Variants in MAP1S observed in about 807,000 individuals in gnomAD.
The protein encoded by MAP1S is microtubule associated protein 1S.
MAP1S carries 27 observed loss-of-function variants against 60.9 expected under a neutral mutation model. The observed-to-expected ratio is 0.44, with a 90% CI of 0.33 to 0.61. The LOEUF (loss-of-function observed/expected upper bound fraction) is 0.61, where lower values mean the gene tolerates loss of function less well. Among genes scored for constraint, MAP1S ranks in the 20% least tolerant of loss-of-function variants. MAP1S has a pLI of 0.03. For missense variants in MAP1S, 1,608 were observed against 1,486.6 expected (o/e 1.08, Z -1.34); for synonymous variants, 826 against 694.2 (o/e 1.19, Z -2.98).
intron 5 of MAP1S, among the ~76,000 whole-genome samples, chr19:17,729,207 A>G (rs923857867): frequency 6.6e-5 from 10 of 152,316 alleles, no homozygotes; most frequent in Non-Finnish European, 7.3e-5. Context: ...GCTGCACACC[A>G]CAGGCTTCAT....
At position 17,734,189 on chromosome 19, in the gene MAP1S, C is replaced by T. The variant is rs1380365077; in HGVS notation, c.3025-84C>T. 15 of 1,195,688 alleles carry T rather than the reference C, an allele frequency of 1.3e-5. 1 individual carries two copies. Among genetic ancestry groups the T allele is most frequent in the South Asian group, 2.9e-5 (2 of 70,084 alleles). 74.1% of individuals were successfully genotyped at this position (1,195,688 alleles called of 1,614,324 possible). On this transcript the variant is annotated intron_variant, in intron 6 of 6. Coordinates refer to ENST00000324096, the MANE Select transcript of MAP1S (RefSeq NM_018174.6). Reference sequence around the variant, plus strand: ...GGTCTCAAATGCCAGGAAAGGAAGGCGACTTGGGCCCAGGCCAGAAGGGCA... The same window carrying T: ...GGTCTCAAATGCCAGGAAAGGAAGGTGACTTGGGCCCAGGCCAGAAGGGCA...
At position 17,726,849 on chromosome 19, in the gene MAP1S, G is replaced by A; in HGVS notation, c.1465G>A (p.Ala489Thr). 6.4e-7 allele frequency: 1 copy of A among 1,554,460 alleles called. No individual in the cohort carries two copies. Among genetic ancestry groups the A allele is most frequent in the South Asian group, 1.2e-5 (1 of 84,512 alleles). Residue 489 changes from alanine (A) to threonine (T), a missense_variant, in exon 5 of 7, where the codon GCC (alanine) becomes ACC (threonine). Physicochemically the swap from Ala to Thr is moderately conservative, Grantham distance 58. Transcript: ENST00000324096. ...CAGCTCGAAGAGAGAGGGCCTCCTG[G>A]CCACCCACCCTAGACCTGGCCAGGA... ...RDSSKREGLL[A>T]THPRPGQERP...
At chr19:17,722,147 CTG>C (rs1219143528) in intron 2 of MAP1S, among the ~76,000 whole-genome samples, 3 of 152,130 alleles carry the variant, frequency 2.0e-5, no homozygotes, top group African/African-American at 7.2e-5. Flanking sequence ...GGCAATATCC[CTG>C]TGTGGCAAAA....
In MAP1S at chr19:17,734,435, C is replaced by G. The variant is rs781397925; in HGVS notation, c.*7C>G. 1 of 1,601,246 alleles carries G rather than the reference C, an allele frequency of 6.2e-7. No individual in the cohort carries two copies. The highest frequency in any genetic ancestry group is 8.5e-7 in the Non-Finnish European group (1 of 1,173,176). ...CTGCAAGGTGGAGTTCTAGCCCCAT[C>G]GCCGACACGCCCCCCACTCAGCCCA... is the stretch of plus-strand genomic sequence containing the variant. On this transcript the variant is annotated 3_prime_UTR_variant, in exon 7 of 7. Coordinates refer to ENST00000324096, the MANE Select transcript of MAP1S (RefSeq NM_018174.6).
At chr19:17,732,517 T>C (rs1437171387) in intron 5 of MAP1S, among the ~76,000 whole-genome samples, 1 of 152,186 alleles carries the variant, frequency 6.6e-6, no homozygotes, top group Non-Finnish European at 1.5e-5. Context: ...AGCTGCTGTC[T>C]CATCCGCATC....
At chr19:17,734,229 C>T in intron 6 of MAP1S, 44 bp from the exon 7 acceptor site, 1 of 1,554,644 alleles carries the variant, frequency 6.4e-7, no homozygotes, top group Non-Finnish European at 8.8e-7. Flanking sequence ...GCACCCCCCT[C>T]ACTGGTGGTC....
chr19:17,726,449 G>T lies in MAP1S; in HGVS notation c.1065G>T (p.Ala355=). Residue 355 remains alanine, a synonymous_variant, in exon 5 of 7, where the codon GCG becomes GCT. Transcript: ENST00000324096. The part of the protein sequence containing the change: ...ASRLARGEDE[A]ELALSLLAQL... ...GGCTGGCGCGCGGCGAGGATGAGGCGGAGCTGGCGCTGAGCCTCCTGGCGC... is the reference window on the plus strand; with the variant it reads ...GGCTGGCGCGCGGCGAGGATGAGGCTGAGCTGGCGCTGAGCCTCCTGGCGC... The T allele has an allele frequency of 6.4e-7, 1 of 1,554,558 alleles. No individual in the cohort carries two copies. The highest frequency in any genetic ancestry group is 8.6e-7 in the Non-Finnish European group (1 of 1,156,512).
intron 5 of MAP1S, among the ~76,000 whole-genome samples, chr19:17,731,644 T>A (rs533402646): frequency 6.6e-4 from 101 of 152,248 alleles, no homozygotes; most frequent in Non-Finnish European, 1.1e-3. Flanking sequence ...GTGGACTTTG[T>A]ACCTTGCTTC....
chr19:17,721,072 C>G, intron 2 of MAP1S, 35 bp downstream of exon 2: 1 of 1,564,714 alleles, frequency 6.4e-7, no homozygotes, highest in East Asian at 2.2e-5. Flanking sequence ...CTCCCTACCT[C>G]TTGTTATTTG....
Position 17,727,974 on chromosome 19 carries a change from A to T in MAP1S, c.2590A>T (p.Lys864Ter). The part of the protein sequence containing the change: ...RQTENVSRTR[K>*]PLARPNSRAA... Reference sequence around the variant, plus strand: ...AACGGAGAACGTCAGCCGCACCCGGAAGCCCCTGGCCCGCCCCAACTCACG... The same window carrying T: ...AACGGAGAACGTCAGCCGCACCCGGTAGCCCCTGGCCCGCCCCAACTCACG... Residue 864 changes from lysine (K) to a stop codon, truncating the protein, a stop_gained, in exon 5 of 7, where the codon AAG (lysine) becomes TAG (stop). Transcript: ENST00000324096. LOFTEE classifies it high-confidence loss of function. The surrounding 1 kb of genome is among the most constrained non-coding windows in gnomAD (Gnocchi z 4.1). 5 of 1,608,404 alleles carry T rather than the reference A, an allele frequency of 3.1e-6. No homozygotes were observed. Among genetic ancestry groups the T allele is most frequent in the Non-Finnish European group, 4.2e-6 (5 of 1,177,502 alleles).
In MAP1S at chr19:17,727,876, C is replaced by G; in HGVS notation, c.2492C>G (p.Pro831Arg). ...CCTTTGCCTGACCCCCTCAAGGTCC[C>G]CCCACCACTGCCTGACCCATCCAGC... The part of the protein sequence containing the change: ...HDPLPDPLKV[P>R]PPLPDPSSIC... The change falls in exon 5 of 7, where the codon CCC becomes CGC. Residue 831 changes from proline to arginine, a missense_variant. Around this residue, in one of 4 missense-constraint regions of MAP1S, gnomAD observed 1,167 missense variants for 961.4 expected, o/e 1.21. Transcript: ENST00000324096. This position sits in a 1 kb window ranked among gnomAD's most constrained non-coding sequence, Gnocchi z 4.1. 6.2e-7 allele frequency: 1 copy of G among 1,613,100 alleles called. No individual in the cohort carries two copies. The highest frequency in any genetic ancestry group is 8.5e-7 in the Non-Finnish European group (1 of 1,179,656).
rs748067848 is a variant in MAP1S at position 17,726,806 on chromosome 19, G to A, written c.1422G>A (p.Glu474=). The change falls in exon 5 of 7, where the codon GAG becomes GAA. Residue 474 remains glutamate (E), a synonymous_variant. Coordinates refer to ENST00000324096, the MANE Select transcript of MAP1S (RefSeq NM_018174.6). ...GGCCGGGGCGAGCCGAGAGCAAAGA[G>A]AGCGTGGGCTCCCGGGACAGCTCGA... The part of the protein sequence containing the change: ...LEGPGRAESK[E]SVGSRDSSKR... 6.4e-7 allele frequency: 1 copy of A among 1,558,042 alleles called. No individual in the cohort carries two copies. The highest frequency in any genetic ancestry group is 1.2e-5 in the South Asian group (1 of 84,866).
At position 17,726,679 on chromosome 19, in the gene MAP1S, T is replaced by C; in HGVS notation, c.1295T>C (p.Phe432Ser). 1 of 1,583,508 alleles carries C rather than the reference T, an allele frequency of 6.3e-7. No homozygotes were observed. The highest frequency in any genetic ancestry group is 8.6e-7 in the Non-Finnish European group (1 of 1,168,990). Residue 432 changes from phenylalanine to serine, a missense_variant, in exon 5 of 7, where the codon TTC becomes TCC. By Grantham distance (155) the Phe-to-Ser change is radical. Transcript: ENST00000324096. ...GPGEKVVRVL[F>S]PGCTPPACLL... ...GGCGAGAAGGTGGTGCGCGTGCTGT[T>C]CCCCGGTTGCACCCCGCCCGCCTGC... is the stretch of plus-strand genomic sequence containing the variant.
In MAP1S at chr19:17,725,240, G is replaced by C. The variant is rs554446115; in HGVS notation, c.444+51G>C. 6.4e-7 allele frequency: 1 copy of C among 1,567,280 alleles called. No individual in the cohort carries two copies. The highest frequency in any genetic ancestry group is 1.8e-5 in the Admixed American group (1 of 55,156). On this transcript the variant is annotated intron_variant, in intron 4 of 6. Coordinates refer to ENST00000324096, the MANE Select transcript of MAP1S (RefSeq NM_018174.6). This position sits in a 1 kb window ranked among gnomAD's most constrained non-coding sequence, Gnocchi z 4.2. Reference sequence around the variant, plus strand: ...GCTTCCCCAGCTCTGAATCCTGACTGGGGTGTATCAGGCTGTGTGGCACCA... The same window carrying C: ...GCTTCCCCAGCTCTGAATCCTGACTCGGGTGTATCAGGCTGTGTGGCACCA...
chr19:17,728,323 C>T lies in MAP1S; in HGVS notation c.2788+151C>T, dbSNP rs1599464479. 4.4e-6 allele frequency: 4 copies of T among 904,608 alleles called. 1 individual carries two copies. In the Admixed American group the frequency reaches 9.3e-5, roughly 21 times the overall value. The allele number at this position is 904,608 out of a possible 1,614,324, so 56.0% of individuals were successfully genotyped here. ...GGAGTGCAGTGGTGTGGTCACAGCT[C>T]ATTGCAGCCTTGAACAATGGGGCTC... On this transcript the variant is annotated intron_variant, in intron 5 of 6. Coordinates refer to ENST00000324096, the MANE Select transcript of MAP1S (RefSeq NM_018174.6).
chr19:17,724,732 C>T (rs920718794), intron 3 of MAP1S, among the ~76,000 whole-genome samples: 1 of 152,190 alleles, frequency 6.6e-6, no homozygotes, highest in Non-Finnish European at 1.5e-5. Context: ...GAGACACAGA[C>T]ACCCCCAGCC....
intron 5 of MAP1S, among the ~76,000 whole-genome samples, chr19:17,729,892 G>A (rs908290640): frequency 3.9e-5 from 6 of 152,046 alleles, no homozygotes; most frequent in African/African-American, 1.4e-4. Flanking sequence ...CGAACTCCTG[G>A]CCTCGTGATC....
intron 6 of MAP1S, 142 bp downstream of exon 6, chr19:17,733,570 C>T: frequency 1.5e-6 from 1 of 657,522 alleles, no homozygotes; most frequent in South Asian, 2.1e-5. Context: ...TGGCTCAGCC[C>T]TTAGGGGTCT....
chr19:17,733,074 T>G (rs574154037), intron 5 of MAP1S, 119 bp from the exon 6 acceptor site: 213 of 643,554 alleles, frequency 3.3e-4, no homozygotes, highest in Middle Eastern at 2.6e-3. Flanking sequence ...CAGAAAACTC[T>G]GAGTTCAGGC....
Sources: allele counts gnomAD v4.1 joint callset (sites outside exome capture counted in the v4.1 genomes callset), GRCh38; gene constraint gnomAD v4.1.1; regional missense constraint gnomAD v4.1.1; non-coding constraint Gnocchi (gnomAD v3.1); transcripts MANE v1.5; gene names NCBI Gene and HGNC (gene_info 2026-07-23, HGNC 2026-07-21).